The following THEMIS variants were observed in gnomAD, a reference collection of about 807,000 sequenced individuals.
THEMIS encodes thymocyte selection associated.
A neutral mutation model predicts 52.6 loss-of-function variants in THEMIS; 37 were observed. The ratio of observed to expected loss-of-function variants is 0.70; its 90% confidence interval spans 0.54 to 0.93. The LOEUF is 0.93. THEMIS is among the 40% of genes least tolerant of loss of function. The pLI, the probability that THEMIS is intolerant of heterozygous loss-of-function variation, is 0.00. For synonymous variants in THEMIS, 292 were observed against 272.7 expected (o/e 1.07, Z -0.70); for missense variants, 808 against 763.1 (o/e 1.06, Z -0.69).
the THEMIS span, among the ~76,000 whole-genome samples, chr6:127,702,393 G>C: frequency 6.6e-6 from 1 of 152,066 alleles, no homozygotes; most frequent in East Asian, 1.9e-4. Flanking sequence ...TTCCTGGAAA[G>C]GTCTCAGACA....
intron 2 of THEMIS, among the ~76,000 whole-genome samples, chr6:127,841,209 A>G (rs928066386): frequency 1.3e-5 from 2 of 152,038 alleles, no homozygotes; most frequent in African/African-American, 4.8e-5. Flanking sequence ...GTTGGGGGTC[A>G]GGAAGTATAG....
intron 3 of THEMIS, among the ~76,000 whole-genome samples, chr6:127,819,118 TAAAAAAAAAAAAAA>T (rs142123167): frequency 2.1e-4 from 4 of 19,470 alleles, no homozygotes; most frequent in Admixed American, 7.5e-4. Context: ...AGACTCTGTC[TAAAAAAAAAAAAAA>T]AAAAAAAAAA....
intron 4 of THEMIS, among the ~76,000 whole-genome samples, chr6:127,811,293 C>G (rs1179788983): frequency 6.6e-6 from 1 of 152,132 alleles, no homozygotes; most frequent in East Asian, 1.9e-4. Context: ...TAGCTAAAAC[C>G]AGTGTTGTCA....
chr6:127,781,160 T>C (rs994036729), intron 4 of THEMIS, among the ~76,000 whole-genome samples: 3 of 151,854 alleles, frequency 2.0e-5, no homozygotes, highest in African/African-American at 7.3e-5. Context: ...ATCTCTGATA[T>C]CCTTTCTTCT....
chr6:127,855,518 G>T (rs774668014), intron 1 of THEMIS, among the ~76,000 whole-genome samples: 14 of 151,506 alleles, frequency 9.2e-5, no homozygotes, highest in East Asian at 1.9e-4. Flanking sequence ...GTTTTTGCTG[G>T]GTCACAAAAT....
intron 4 of THEMIS, among the ~76,000 whole-genome samples, chr6:127,772,618 C>T (rs373099130): frequency 1.3e-5 from 2 of 152,094 alleles, no homozygotes; most frequent in Admixed American, 6.5e-5. Context: ...CATTTTTGTA[C>T]AGTCAGAAGC....
intron 4 of THEMIS, among the ~76,000 whole-genome samples, chr6:127,743,695 A>G (rs572370912): frequency 6.6e-6 from 1 of 152,268 alleles, no homozygotes; most frequent in South Asian, 2.1e-4. Context: ...TGATGATGAA[A>G]AGGATGATGA....
chr6:127,854,094 A>T (rs1779520348), intron 2 of THEMIS, among the ~76,000 whole-genome samples: 2 of 151,816 alleles, frequency 1.3e-5, no homozygotes, highest in Non-Finnish European at 2.9e-5. Flanking sequence ...CTGTGCCAGA[A>T]ATTGTGCTTG....
At chr6:127,734,682 A>G (rs1774926159) in intron 4 of THEMIS, among the ~76,000 whole-genome samples, 2 of 151,724 alleles carry the variant, frequency 1.3e-5, no homozygotes, top group African/African-American at 4.8e-5. Flanking sequence ...CATCCTGGCT[A>G]ACATGGTGAA....
the THEMIS span, among the ~76,000 whole-genome samples, chr6:127,698,692 A>G: frequency 6.6e-6 from 1 of 152,056 alleles, no homozygotes; most frequent in African/African-American, 2.4e-5. Context: ...TAGAAGCTAT[A>G]TACTACATAT....
At chr6:127,764,868 C>T (rs1423687037) in intron 4 of THEMIS, among the ~76,000 whole-genome samples, 1 of 151,908 alleles carries the variant, frequency 6.6e-6, no homozygotes, top group Non-Finnish European at 1.5e-5. Context: ...TGAAATTAGA[C>T]CCCCCAATTG....
chr6:127,729,650 T>G (rs1774688792), intron 4 of THEMIS, among the ~76,000 whole-genome samples: 1 of 152,206 alleles, frequency 6.6e-6, no homozygotes, highest in Admixed American at 6.5e-5. Flanking sequence ...TCAATCATTC[T>G]TCCAACCTCT....
At chr6:127,893,390 C>G (rs1031444237) in intron 1 of THEMIS, among the ~76,000 whole-genome samples, 1 of 152,008 alleles carries the variant, frequency 6.6e-6, no homozygotes, top group African/African-American at 2.4e-5. Context: ...TCTTTATATG[C>G]CATAGCTCAA....
rs148912202 is a variant in THEMIS, at chr6:127,798,117, T to C, written c.1758+14766A>G. On this transcript the variant is annotated intron_variant, in intron 4 of 5. Coordinates refer to ENST00000368248, the MANE Select transcript of THEMIS (RefSeq NM_001010923.3). Reference sequence around the variant, plus strand: ...ATGTGTGTCTGAGTCTATATGTGTATGAATAACGGAAATATAATATTGACA... The same window carrying C: ...ATGTGTGTCTGAGTCTATATGTGTACGAATAACGGAAATATAATATTGACA... Among the ~76,000 whole-genome samples the C allele has an allele frequency of 2.8e-3, 425 of 152,354 alleles. 2 individuals carry two copies. The highest frequency in any genetic ancestry group is 9.6e-3 in the African/African-American group (398 of 41,576).
chr6:127,874,194 G>A (rs1780244517), intron 1 of THEMIS, among the ~76,000 whole-genome samples: 1 of 152,142 alleles, frequency 6.6e-6, no homozygotes, highest in Non-Finnish European at 1.5e-5. Context: ...GTGTAACAGG[G>A]TGTTTTAATT....
intron 4 of THEMIS, among the ~76,000 whole-genome samples, chr6:127,790,454 A>T (rs767840238): frequency 2.8e-4 from 42 of 152,242 alleles, no homozygotes; most frequent in Non-Finnish European, 5.4e-4. Context: ...TTTACATATG[A>T]AACAAGAAAA....
At chr6:127,734,470 T>C (rs1245516568) in intron 4 of THEMIS, among the ~76,000 whole-genome samples, 2 of 152,212 alleles carry the variant, frequency 1.3e-5, no homozygotes, top group East Asian at 3.9e-4. Flanking sequence ...AGGTTCATTA[T>C]GCTATTCTCT....
intron 4 of THEMIS, among the ~76,000 whole-genome samples, chr6:127,809,304 A>T (rs1232007531): frequency 6.6e-6 from 1 of 152,172 alleles, no homozygotes; most frequent in African/African-American, 2.4e-5. Flanking sequence ...TGTAAATATC[A>T]AAAGAAACAT....
At chr6:127,760,791 G>GA (rs898265994) in intron 4 of THEMIS, among the ~76,000 whole-genome samples, 3 of 151,316 alleles carry the variant, frequency 2.0e-5, no homozygotes, top group African/African-American at 2.4e-5. Flanking sequence ...AAGAGAGGGA[G>GA]AAAAAAAAGA....
Sources: allele counts gnomAD v4.1 joint callset (sites outside exome capture counted in the v4.1 genomes callset), GRCh38; gene constraint gnomAD v4.1.1; transcripts MANE v1.5; gene names NCBI Gene and HGNC (gene_info 2026-07-23, HGNC 2026-07-21).